Variants in SGMS1 observed in about 807,000 individuals in gnomAD.
SGMS1 encodes the protein phosphatidylcholine:ceramide cholinephosphotransferase 1.
In SGMS1, 13 loss-of-function variants were observed where a neutral mutation model predicts 46.2. The ratio of observed to expected loss-of-function variants is 0.28; its 90% CI spans 0.18 to 0.45. SGMS1 has a LOEUF of 0.45. Ranked by LOEUF, SGMS1 falls within the 20% of genes least tolerant of loss-of-function variation. The pLI, the probability that SGMS1 is intolerant of heterozygous loss-of-function variation, is 1.00. For missense variants in SGMS1, 324 were observed against 519.9 expected, an observed-to-expected ratio of 0.62 and a Z score of 3.66; for synonymous variants, 203 against 187.8, an observed-to-expected ratio of 1.08 and a Z score of -0.66.
At chr10:50,596,173 C>A (rs933105748) in intron 1 of SGMS1, among the ~76,000 whole-genome samples, 3 of 131,488 alleles carry the variant, frequency 2.3e-5, no homozygotes, top group Admixed American at 1.7e-4. Context: ...ACTTGTATCA[C>A]GATTTTTTTT....
intron 8 of SGMS1, among the ~76,000 whole-genome samples, chr10:50,323,901 A>C (rs1325035353): frequency 6.6e-6 from 1 of 152,226 alleles, no homozygotes; most frequent in Admixed American, 6.5e-5. Flanking sequence ...TTATTACATA[A>C]GTTACAAATT....
chr10:50,344,162 G>T lies in SGMS1; in HGVS notation c.-48C>A. 6.5e-7 allele frequency: 1 copy of T among 1,543,042 alleles called. No individual in the cohort carries two copies. The highest frequency in any genetic ancestry group is 8.7e-7 in the Non-Finnish European group (1 of 1,151,900). On this transcript the variant is annotated 5_prime_UTR_variant, in exon 7 of 11. In the 5' UTR this introduces an upstream ATG that the reference lacks. Transcript: ENST00000361781. ...TCCCCAGCTCTCTCTTGGCAGGTCA[G>T]CAGTCACTGTTCCGACAGGGCAGGA...
chr10:50,527,063 C>CAAAAA (rs573386594), intron 2 of SGMS1, among the ~76,000 whole-genome samples: 72 of 90,632 alleles, frequency 7.9e-4, no homozygotes, highest in African/African-American at 1.4e-3. Flanking sequence ...GACTCTGTCT[C>CAAAAA]AAAAAAAAAA....
chr10:50,495,617 C>T (rs1361373008), intron 3 of SGMS1, among the ~76,000 whole-genome samples: 1 of 152,074 alleles, frequency 6.6e-6, no homozygotes, highest in African/African-American at 2.4e-5. Flanking sequence ...TAAGGATATA[C>T]TTCTCAATAT....
chr10:50,399,334 AG>A (rs1247276700), intron 6 of SGMS1, among the ~76,000 whole-genome samples: 1 of 152,228 alleles, frequency 6.6e-6, no homozygotes, highest in African/African-American at 2.4e-5. Context: ...ATACAATAAA[AG>A]GTATGCAACT....
intron 3 of SGMS1, chr10:50,472,795 G>A (rs747885298): frequency 3.9e-5 from 6 of 152,066 alleles, no homozygotes; most frequent in Non-Finnish European, 7.4e-5. Flanking sequence ...CCCACCAAAA[G>A]TGCACAGGGG....
chr10:50,546,371 G>T (rs1051377989), intron 2 of SGMS1, among the ~76,000 whole-genome samples: 2 of 151,834 alleles, frequency 1.3e-5, no homozygotes, highest in African/African-American at 4.8e-5. Context: ...CCCATTACTG[G>T]GTATATACCC....
At chr10:50,465,869 A>C (rs940638158) in intron 4 of SGMS1, among the ~76,000 whole-genome samples, 9 of 152,290 alleles carry the variant, frequency 5.9e-5, no homozygotes, top group South Asian at 4.1e-4. Context: ...CAGTTCACAA[A>C]CAACCAACTT....
chr10:50,533,403 T>C (rs1837972731), intron 2 of SGMS1, among the ~76,000 whole-genome samples: 1 of 152,210 alleles, frequency 6.6e-6, no homozygotes. Context: ...CCTTCCTTTG[T>C]TCTGGTTTTC....
chr10:50,532,507 A>G (rs1837964292), intron 2 of SGMS1, among the ~76,000 whole-genome samples: 1 of 152,212 alleles, frequency 6.6e-6, no homozygotes, highest in Admixed American at 6.5e-5. Flanking sequence ...GTCATCAGAA[A>G]TATGCCATAG....
At chr10:50,589,701 G>A (rs558422571) in intron 2 of SGMS1, among the ~76,000 whole-genome samples, 6 of 151,984 alleles carry the variant, frequency 3.9e-5, no homozygotes, top group Non-Finnish European at 8.8e-5. Context: ...TGAAATCCTG[G>A]GCTCAAGCGA....
At chr10:50,380,867 T>C (rs1167486663) in intron 6 of SGMS1, among the ~76,000 whole-genome samples, 2 of 152,190 alleles carry the variant, frequency 1.3e-5, no homozygotes, top group East Asian at 1.9e-4. Context: ...TCTTACTATG[T>C]TGACCAGGCT....
At chr10:50,387,527 A>T (rs767812999) in intron 6 of SGMS1, among the ~76,000 whole-genome samples, 1 of 152,230 alleles carries the variant, frequency 6.6e-6, no homozygotes, top group South Asian at 2.1e-4. Context: ...AAATACAGAA[A>T]GTTAAATACA....
At chr10:50,544,771 C>T (rs548296572) in intron 2 of SGMS1, among the ~76,000 whole-genome samples, 15 of 152,288 alleles carry the variant, frequency 9.8e-5, no homozygotes, top group African/African-American at 3.1e-4. Flanking sequence ...GTTCCTGAAG[C>T]ACACAGCATT....
intron 6 of SGMS1, among the ~76,000 whole-genome samples, chr10:50,424,324 G>A (rs774347621): frequency 4.6e-5 from 7 of 152,148 alleles, no homozygotes; most frequent in Non-Finnish European, 7.4e-5. Context: ...CTCTAGGTAG[G>A]CTTTAAGCTA....
At chr10:50,573,901 G>T (rs147249663) in intron 2 of SGMS1, among the ~76,000 whole-genome samples, 466 of 152,184 alleles carry the variant, frequency 3.1e-3, no homozygotes, top group Non-Finnish European at 4.0e-3. Flanking sequence ...TTCAAGAAAG[G>T]TGCCAAGAAC....
intron 6 of SGMS1, among the ~76,000 whole-genome samples, chr10:50,373,965 T>C (rs752351998): frequency 6.6e-6 from 1 of 152,134 alleles, no homozygotes; most frequent in Non-Finnish European, 1.5e-5. Context: ...TTATAAGAAT[T>C]TGATCAGCAT....
chr10:50,360,905 T>G (rs891744226), intron 6 of SGMS1, among the ~76,000 whole-genome samples: 36 of 152,210 alleles, frequency 2.4e-4, no homozygotes, highest in African/African-American at 8.0e-4. Flanking sequence ...AAGTTAAAAC[T>G]GTAAAAAGCC....
chr10:50,362,961 TATA>T (rs1848274451), intron 6 of SGMS1, among the ~76,000 whole-genome samples: 1 of 152,080 alleles, frequency 6.6e-6, no homozygotes, highest in Non-Finnish European at 1.5e-5. Flanking sequence ...AAATAAAGTA[TATA>T]AATATAAAGA....
Sources: allele counts gnomAD v4.1 joint callset (sites outside exome capture counted in the v4.1 genomes callset), GRCh38; gene constraint gnomAD v4.1.1; transcripts MANE v1.5; gene names NCBI Gene and HGNC (gene_info 2026-07-23, HGNC 2026-07-21).